MAN1A2: variants seen among roughly 807,000 people sequenced by gnomAD.
MAN1A2 encodes the protein mannosyl-oligosaccharide 1,2-alpha-mannosidase IB.
MAN1A2 carries 26 observed loss-of-function variants against 75.7 expected under a neutral mutation model. The observed-to-expected ratio is 0.34, with a 90% CI of 0.25 to 0.48. The LOEUF is 0.48. Ranked by LOEUF, MAN1A2 falls within the 20% of genes least tolerant of loss-of-function variation. The pLI, the probability that MAN1A2 is intolerant of heterozygous loss-of-function variation, is 0.99. For missense variants in MAN1A2, 562 were observed against 775.5 expected, an observed-to-expected ratio of 0.72 and a Z score of 3.27; for synonymous variants, 247 against 264.6, an observed-to-expected ratio of 0.93 and a Z score of 0.65.
At chr1:117,422,759 TTTG>T (rs1648238094) in intron 5 of MAN1A2, among the ~76,000 whole-genome samples, 1 of 152,064 alleles carries the variant, frequency 6.6e-6, no homozygotes, top group South Asian at 2.1e-4. Context: ...TTTAAAAATT[TTTG>T]TTTTTTTTGA....
chr1:117,441,402 A>G (rs1387939658), intron 5 of MAN1A2, among the ~76,000 whole-genome samples: 1 of 152,160 alleles, frequency 6.6e-6, no homozygotes, highest in Non-Finnish European at 1.5e-5. Flanking sequence ...GGAATTTTAA[A>G]TAACTACTCA....
At position 117,525,252 on chromosome 1, in the gene MAN1A2, C is replaced by G; in HGVS notation, c.*2295C>G. On this transcript the variant is annotated 3_prime_UTR_variant, in exon 13 of 13. Transcript: ENST00000356554. The stretch of plus-strand genomic sequence containing the variant: ...GACAATGGAAGGGTCTTCTTCACCA[C>G]TCCTTACCTTCTATGTGATGGAAAG... 2 of 413,850 alleles carry G rather than the reference C, an allele frequency of 4.8e-6. No homozygotes were observed. Among genetic ancestry groups the G allele is most frequent in the South Asian group, 3.8e-5 (2 of 53,262 alleles). The allele number at this position is 413,850 out of a possible 1,614,324, so 25.6% of individuals were successfully genotyped here. A position where few individuals can be genotyped will look rare whatever the true frequency, so the allele number is the denominator to read the frequency against.
intron 3 of MAN1A2, among the ~76,000 whole-genome samples, chr1:117,411,163 G>A (rs991030291): frequency 6.6e-6 from 1 of 151,658 alleles, no homozygotes; most frequent in African/African-American, 2.4e-5. Flanking sequence ...AAAAAACCAA[G>A]TTGAAGGATT....
At chr1:117,417,088 A>G (rs1570725902) in intron 4 of MAN1A2, among the ~76,000 whole-genome samples, 5 of 152,308 alleles carry the variant, frequency 3.3e-5, no homozygotes, top group Admixed American at 3.3e-4. Flanking sequence ...AGTGCCTAAA[A>G]GGGAGCCAGT....
At chr1:117,487,950 C>T (rs1225810788) in intron 8 of MAN1A2, among the ~76,000 whole-genome samples, 2 of 152,032 alleles carry the variant, frequency 1.3e-5, no homozygotes, top group Non-Finnish European at 2.9e-5. Context: ...ATCCATCATA[C>T]ATTACCATCC....
chr1:117,503,021 G>A (rs748196851), intron 12 of MAN1A2, 51 bp downstream of exon 12: 4 of 907,968 alleles, frequency 4.4e-6, no homozygotes, highest in Non-Finnish European at 6.7e-6. Context: ...GTTTTGCTGT[G>A]TGATCACTAG....
intron 3 of MAN1A2, among the ~76,000 whole-genome samples, chr1:117,408,302 T>TAAA (rs1245208449): frequency 2.6e-4 from 31 of 119,650 alleles, no homozygotes; most frequent in Middle Eastern, 4.3e-3. Context: ...CCCTTTCTCT[T>TAAA]AAAAAAAAAA....
Position 117,525,919 on chromosome 1 carries a change from A to T in MAN1A2, c.*2962A>T, listed in dbSNP as rs1431585062. On this transcript the variant is annotated 3_prime_UTR_variant, in exon 13 of 13. Transcript: ENST00000356554. ...TTCCTGACTTTAAGCAGGTGTTTATATGTAAAATAAAACCTGGGTATCGAA... is the reference window on the plus strand; with the variant it reads ...TTCCTGACTTTAAGCAGGTGTTTATTTGTAAAATAAAACCTGGGTATCGAA... 6.6e-6 allele frequency: 1 copy of T among 151,708 alleles called. No individual in the cohort carries two copies. Among genetic ancestry groups the T allele is most frequent in the East Asian group, 1.9e-4 (1 of 5,178 alleles). The allele number at this position is 151,708 out of a possible 1,614,324, so 9.4% of individuals were successfully genotyped here. A position where few individuals can be genotyped will look rare whatever the true frequency, so the allele number is the denominator to read the frequency against.
intron 8 of MAN1A2, among the ~76,000 whole-genome samples, chr1:117,467,979 TA>T: frequency 1.3e-5 from 2 of 152,252 alleles, no homozygotes; most frequent in African/African-American, 4.8e-5. Flanking sequence ...GCATGTCATG[TA>T]AAACAGAAAC....
At chr1:117,426,884 C>T (rs1464245146) in intron 5 of MAN1A2, among the ~76,000 whole-genome samples, 1 of 152,068 alleles carries the variant, frequency 6.6e-6, no homozygotes, top group Non-Finnish European at 1.5e-5. Flanking sequence ...TTCTTTAATT[C>T]TTTGTTCCTT....
intron 8 of MAN1A2, among the ~76,000 whole-genome samples, chr1:117,480,716 AT>A (rs1453756002): frequency 2.0e-5 from 3 of 151,578 alleles, no homozygotes; most frequent in Admixed American, 6.6e-5. Context: ...TCTTGTTTAT[AT>A]TTTTTCTAAC....
At position 117,525,562 on chromosome 1, in the gene MAN1A2, T is replaced by G. The variant is rs1651990108; in HGVS notation, c.*2605T>G. ...TGCAAAAAGCCCAGAAATGGTCCTT[T>G]TCAGGTGCCTCTTCAAAGAGCTGAC... On this transcript the variant is annotated 3_prime_UTR_variant, in exon 13 of 13. Transcript: ENST00000356554. 2 of 155,666 alleles carry G rather than the reference T, an allele frequency of 1.3e-5. No individual in the cohort carries two copies. Among genetic ancestry groups the G allele is most frequent in the South Asian group, 3.9e-4 (2 of 5,148 alleles). 9.6% of individuals were successfully genotyped at this position (155,666 alleles called of 1,614,324 possible).
chr1:117,511,411 G>A (rs1472608397), intron 12 of MAN1A2, among the ~76,000 whole-genome samples: 1 of 152,012 alleles, frequency 6.6e-6, no homozygotes, highest in Non-Finnish European at 1.5e-5. Flanking sequence ...CTAGGCTCAA[G>A]CAATCCTTCT....
Position 117,445,514 on chromosome 1 carries a change from T to C in MAN1A2, c.950+3189T>C, listed in dbSNP as rs370565580. On this transcript the variant is annotated intron_variant, in intron 6 of 12. Transcript: ENST00000356554. The stretch of plus-strand genomic sequence containing the variant: ...AAGTTTTTAATAACAAATTAAAATT[T>C]GTGTGTGTGTGTTTGGAGGGGGCTG... Among the ~76,000 whole-genome samples, 5 of 151,918 alleles carry C rather than the reference T, an allele frequency of 3.3e-5. No individual in the cohort carries two copies. The East Asian group carries it at 7.7e-4, about 23-fold the overall frequency.
At chr1:117,416,771 T>C (rs1454034823) in intron 4 of MAN1A2, among the ~76,000 whole-genome samples, 1 of 152,174 alleles carries the variant, frequency 6.6e-6, no homozygotes, top group Non-Finnish European at 1.5e-5. Context: ...GCTTGGGCTC[T>C]ATGGAACTGG....
At chr1:117,449,218 T>C (rs1417614050) in intron 6 of MAN1A2, among the ~76,000 whole-genome samples, 1 of 151,784 alleles carries the variant, frequency 6.6e-6, no homozygotes, top group Non-Finnish European at 1.5e-5. Flanking sequence ...GTGGCCTTGA[T>C]GTATTCAAGA....
chr1:117,380,948 TG>T (rs1462935017), intron 1 of MAN1A2, among the ~76,000 whole-genome samples: 1 of 152,236 alleles, frequency 6.6e-6, no homozygotes, highest in Non-Finnish European at 1.5e-5. Flanking sequence ...TAGATTGTTT[TG>T]GTATTATTAT....
chr1:117,369,499 A>AG (rs753697423), intron 1 of MAN1A2, among the ~76,000 whole-genome samples: 1 of 152,230 alleles, frequency 6.6e-6, no homozygotes, highest in Non-Finnish European at 1.5e-5. Context: ...GAAAAAGCTT[A>AG]GGTTCACGTG....
chr1:117,378,503 A>T (rs1653228990), intron 1 of MAN1A2, among the ~76,000 whole-genome samples: 1 of 152,090 alleles, frequency 6.6e-6, no homozygotes, highest in African/African-American at 2.4e-5. Flanking sequence ...CCCTGTTGAT[A>T]GATTTTTAGT....
Sources: gnomAD v4.1 joint callset for allele counts (sites outside exome capture counted in the v4.1 genomes callset) on GRCh38, gnomAD v4.1.1 for gene constraint, MANE v1.5 for transcripts, NCBI Gene and HGNC (gene_info 2026-07-23, HGNC 2026-07-21) for gene names.